PCDHGA4: variants seen among roughly 807,000 people sequenced by gnomAD.
The protein encoded by PCDHGA4 is protocadherin gamma-A4.
In PCDHGA4, 38 loss-of-function variants were observed where a neutral mutation model predicts 54.6. The ratio of observed to expected loss-of-function variants is 0.70; its 90% CI spans 0.54 to 0.91. The LOEUF is 0.91. Among genes scored for constraint, PCDHGA4 ranks in the 40% least tolerant of loss-of-function variants. The pLI, the probability that PCDHGA4 is intolerant of heterozygous loss-of-function variation, is 0.00. For synonymous variants in PCDHGA4, 511 were observed against 512.9 expected (o/e 1.00, Z 0.05); for missense variants, 1,298 against 1,220.9 (o/e 1.06, Z -0.94).
At chr5:141,390,754 T>C (rs2092225927) in intron 1 of PCDHGA4, 1 of 168,266 alleles carries the variant, frequency 5.9e-6, no homozygotes, top group East Asian at 1.8e-4. Context: ...AGTCCACTGT[T>C]TTGTTTCCTG....
intron 1 of PCDHGA4, chr5:141,360,461 T>C: frequency 6.2e-7 from 1 of 1,613,974 alleles, no homozygotes; most frequent in African/African-American, 1.3e-5. Context: ...TTCGATACTG[T>C]CGCTGAAAAT....
At chr5:141,397,824 A>G (rs2093574037) in intron 1 of PCDHGA4, among the ~76,000 whole-genome samples, 3 of 152,240 alleles carry the variant, frequency 2.0e-5, no homozygotes, top group Admixed American at 2.0e-4. Flanking sequence ...CAATTACTGC[A>G]CTGGTTAACT....
intron 1 of PCDHGA4, among the ~76,000 whole-genome samples, chr5:141,444,770 C>A (rs1382748105): frequency 2.6e-5 from 4 of 152,078 alleles, no homozygotes; most frequent in African/African-American, 9.7e-5. Context: ...TTTCTATATT[C>A]TTGATCATGT....
At chr5:141,377,549 T>G (rs962793950) in intron 1 of PCDHGA4, 3 of 152,038 alleles carry the variant, frequency 2.0e-5, no homozygotes, top group African/African-American at 7.2e-5. Context: ...TGAGATATAA[T>G]TGTGTCACTG....
chr5:141,357,538 A>T lies in PCDHGA4; in HGVS notation c.2431A>T (p.Ile811Phe). 6.2e-7 allele frequency: 1 copy of T among 1,614,228 alleles called. No homozygotes were observed. The highest frequency in any genetic ancestry group is 8.5e-7 in the Non-Finnish European group (1 of 1,180,018). ...FSQPSYADTLISRESCEKSEP... is the reference protein window; with the variant it reads ...FSQPSYADTLFSRESCEKSEP... The stretch of plus-strand genomic sequence containing the variant: ...CCAACCCAGCTATGCAGACACGCTC[A>T]TCAGCCGGGAGAGTTGTGAGAAAAG... Residue 811 changes from isoleucine to phenylalanine, a missense_variant, in exon 1 of 4, where the codon ATC becomes TTC. Transcript: ENST00000571252.
chr5:141,438,635 TACACAC>T (rs56854727), intron 1 of PCDHGA4, among the ~76,000 whole-genome samples: 557 of 33,182 alleles, frequency 0.017, 8 homozygotes, highest in South Asian at 0.028. Flanking sequence ...TATATATATA[TACACAC>T]ACACACACAC....
At chr5:141,388,112 C>T (rs1399745232) in intron 1 of PCDHGA4, 1 of 1,408,080 alleles carries the variant, frequency 7.1e-7, no homozygotes, top group South Asian at 1.2e-5. Flanking sequence ...CTTACTTCAC[C>T]GTGAGCGCAG....
chr5:141,395,542 TTGTGTGTGTG>T lies in PCDHGA4; in HGVS notation c.2514+37961_2514+37970del, dbSNP rs55729045. 945 of 172,430 alleles carry T rather than the reference TTGTGTGTGTG, an allele frequency of 5.5e-3. 2 individuals carry two copies. The highest frequency in any genetic ancestry group is 0.011 in the African/African-American group (192 of 17,544). 10.7% of individuals were successfully genotyped at this position (172,430 alleles called of 1,614,324 possible). A position where few individuals can be genotyped will look rare whatever the true frequency, so the allele number is the denominator to read the frequency against. On this transcript the variant is annotated intron_variant, in intron 1 of 3. Coordinates refer to ENST00000571252, the MANE Select transcript of PCDHGA4 (RefSeq NM_018917.4). ...TCCATACTGGTAATTTTGCTATTGT[TTGTGTGTGTG>T]TGTGTGTGTGTGTGTGTGTGTGTGT...
At chr5:141,372,130 C>T in intron 1 of PCDHGA4, 4 of 1,613,648 alleles carry the variant, frequency 2.5e-6, no homozygotes, top group South Asian at 1.1e-5. Context: ...GATATGGTGC[C>T]GCGCTCTGCA....
intron 1 of PCDHGA4, chr5:141,422,528 C>T: frequency 5.0e-6 from 8 of 1,614,018 alleles, no homozygotes; most frequent in Non-Finnish European, 5.1e-6. Flanking sequence ...CCGCCTTTGT[C>T]TGCAGAAACT....
intron 2 of PCDHGA4, among the ~76,000 whole-genome samples, chr5:141,501,290 T>TACACATACAC (rs1224133816): frequency 4.6e-4 from 62 of 136,246 alleles, no homozygotes; most frequent in Admixed American, 7.0e-4. Flanking sequence ...TATTCCCTTA[T>TACACATACAC]ACACACACAC....
Position 141,388,273 on chromosome 5 carries a change from C to T in PCDHGA4, c.2514+30652C>T. On this transcript the variant is annotated intron_variant, in intron 1 of 3. Coordinates refer to ENST00000571252, the MANE Select transcript of PCDHGA4 (RefSeq NM_018917.4). ...GAGATCGAGGACATTAATGACCACA[C>T]GCCAAAATTCACGCAAAATTCCTTT... The T allele has an allele frequency of 3.1e-6, 5 of 1,597,470 alleles. No homozygotes were observed. Among genetic ancestry groups the T allele is most frequent in the Non-Finnish European group, 4.3e-6 (5 of 1,172,964 alleles).
chr5:141,363,430 A>G (rs1003624399), intron 1 of PCDHGA4, among the ~76,000 whole-genome samples: 5 of 152,204 alleles, frequency 3.3e-5, no homozygotes, highest in Admixed American at 6.5e-5. Flanking sequence ...GTCTCAACAT[A>G]GAAAGGTCAC....
chr5:141,436,080 T>C (rs755968267), intron 1 of PCDHGA4, among the ~76,000 whole-genome samples: 1 of 152,204 alleles, frequency 6.6e-6, no homozygotes, highest in Admixed American at 6.5e-5. Context: ...CAGTGTTCTA[T>C]AGGTAATATT....
intron 1 of PCDHGA4, among the ~76,000 whole-genome samples, chr5:141,405,770 G>C (rs989163026): frequency 1.3e-5 from 2 of 152,032 alleles, no homozygotes; most frequent in East Asian, 3.9e-4. Context: ...GAGCCACTGC[G>C]CCTGGCCCTT....
intron 1 of PCDHGA4, chr5:141,392,972 G>T: frequency 6.2e-7 from 1 of 1,613,920 alleles, no homozygotes. Context: ...AGGACCTGGG[G>T]CTGGACCCCC....
rs201540226 is a variant in PCDHGA4, at chr5:141,399,196, G to T, written c.2514+41575G>T. On this transcript the variant is annotated intron_variant, in intron 1 of 3. Coordinates refer to ENST00000571252, the MANE Select transcript of PCDHGA4 (RefSeq NM_018917.4). ...ACTTGAAATGATTCTGGAAAACGCG[G>T]TGCCTGGAACACTAATTGCTTTGAT... The T allele has an allele frequency of 4.2e-5, 67 of 1,613,820 alleles. 1 individual carries two copies. In the African/African-American group the frequency reaches 5.7e-4, roughly 14 times the overall value.
intron 1 of PCDHGA4, chr5:141,410,181 T>C: frequency 6.2e-7 from 1 of 1,613,814 alleles, no homozygotes; most frequent in South Asian, 1.1e-5. Context: ...ACCGCCACGC[T>C]TCATCTGGTC....
intron 1 of PCDHGA4, chr5:141,375,627 A>AGGAG (rs773199374): frequency 2.9e-5 from 46 of 1,613,948 alleles, no homozygotes; most frequent in Non-Finnish European, 3.6e-5. Flanking sequence ...GGGATTCTGT[A>AGGAG]CGCCCTGCGC....
Sources: gnomAD v4.1 joint callset for allele counts (sites outside exome capture counted in the v4.1 genomes callset) on GRCh38, gnomAD v4.1.1 for gene constraint, MANE v1.5 for transcripts, NCBI Gene and HGNC (gene_info 2026-07-23, HGNC 2026-07-21) for gene names.